EGFR: variants seen among roughly 807,000 people sequenced by gnomAD.
The protein encoded by EGFR is avian erythroblastic leukemia viral (v-erb-b) oncogene homolog.
Under a neutral mutation model 143.0 loss-of-function variants are expected in EGFR, and 58 were observed. The observed-to-expected ratio is 0.41, with a 90% CI of 0.33 to 0.50. The LOEUF (loss-of-function observed/expected upper bound fraction) is 0.50. Among genes scored for constraint, EGFR ranks in the 20% least tolerant of loss-of-function variants. The pLI is 0.39. For missense variants in EGFR, 1,307 were observed against 1,579.0 expected, an observed-to-expected ratio of 0.83 and a Z score of 2.92; for synonymous variants, 613 against 594.4, an observed-to-expected ratio of 1.03 and a Z score of -0.45.
chr7:55,127,358 T>TC (rs1469628478), intron 1 of EGFR, among the ~76,000 whole-genome samples: 20 of 152,132 alleles, frequency 1.3e-4, no homozygotes, highest in African/African-American at 4.8e-4. Context: ...TTTTAGTAAT[T>TC]CTAAAAATTG....
chr7:55,068,567 C>CG (rs1437741896), intron 1 of EGFR, among the ~76,000 whole-genome samples: 6 of 152,116 alleles, frequency 3.9e-5, no homozygotes, highest in East Asian at 1.9e-4. Flanking sequence ...CATCACTAGC[C>CG]GGGGGGCTCC....
chr7:55,100,508 C>T (rs912869697), intron 1 of EGFR, among the ~76,000 whole-genome samples: 1 of 152,242 alleles, frequency 6.6e-6, no homozygotes, highest in Non-Finnish European at 1.5e-5. Context: ...GGAAATTCTT[C>T]CCCTACGAGA....
chr7:55,101,497 G>T (rs1307399948), intron 1 of EGFR, among the ~76,000 whole-genome samples: 5 of 152,074 alleles, frequency 3.3e-5, no homozygotes, highest in Non-Finnish European at 7.4e-5. Flanking sequence ...TTTTTAACCT[G>T]TCACGAATCC....
intron 1 of EGFR, among the ~76,000 whole-genome samples, chr7:55,138,299 G>A (rs1159658417): frequency 1.3e-5 from 2 of 152,168 alleles, no homozygotes; most frequent in South Asian, 4.1e-4. Context: ...GATTTGCAAA[G>A]GGTAAGGCAA....
intron 3 of EGFR, among the ~76,000 whole-genome samples, chr7:55,145,173 C>T (rs1794698218): frequency 6.6e-6 from 1 of 152,166 alleles, no homozygotes; most frequent in African/African-American, 2.4e-5. Flanking sequence ...TGCTGAAGGC[C>T]CAGCTCTGAC....
chr7:55,119,742 G>A (rs1209413378), intron 1 of EGFR, among the ~76,000 whole-genome samples: 1 of 152,144 alleles, frequency 6.6e-6, no homozygotes, highest in Non-Finnish European at 1.5e-5. Context: ...CCCTGCCCTG[G>A]TTCACCTCTC....
Position 55,027,532 on chromosome 7 carries a change from A to C in EGFR, c.88+8167A>C, listed in dbSNP as rs189619573. ...AAGTGCAACACATTCTGCATTTAAA[A>C]ATTAAAATGATCCTTTTTAAAAGTA... On this transcript the variant is annotated intron_variant, in intron 1 of 27. Transcript: ENST00000275493. Among the ~76,000 whole-genome samples, 364 of 152,368 alleles carry C rather than the reference A, an allele frequency of 2.4e-3. 2 individuals are homozygous for C. The highest frequency in any genetic ancestry group is 6.8e-3 in the Middle Eastern group (2 of 294).
intron 1 of EGFR, among the ~76,000 whole-genome samples, chr7:55,090,768 AT>A (rs1791062278): frequency 6.6e-6 from 1 of 152,234 alleles, no homozygotes; most frequent in South Asian, 2.1e-4. Flanking sequence ...TTTTAAAAAC[AT>A]CTTTCTTCTA....
chr7:55,093,894 G>A (rs532365663), intron 1 of EGFR, among the ~76,000 whole-genome samples: 1 of 152,160 alleles, frequency 6.6e-6, no homozygotes, highest in African/African-American at 2.4e-5. Flanking sequence ...AACTGTCACT[G>A]GTAGCTCAGG....
At position 55,174,840 on chromosome 7, in the gene EGFR, T is replaced by C. The variant is rs1197399144; in HGVS notation, c.2283+20T>C. 2.5e-6 allele frequency: 4 copies of C among 1,604,078 alleles called. No individual in the cohort carries two copies. The Admixed American group carries it at 5.0e-5, about 20-fold the overall frequency. On this transcript the variant is annotated intron_variant, in intron 19 of 27. Transcript: ENST00000275493. ...CTCGATGTGAGTTTCTGCTTTGCTG[T>C]GTGGGGGTCCATGGCTCTGAACCTC...
chr7:55,163,679 T>G, intron 13 of EGFR, 54 bp from the exon 14 acceptor site: 1 of 1,487,018 alleles, frequency 6.7e-7, no homozygotes, highest in Non-Finnish European at 9.4e-7. Context: ...TGATTTGTGT[T>G]CCTGCAATAA....
chr7:55,165,451 G>GA lies in EGFR; in HGVS notation c.1880+16dup. On this transcript the variant is annotated intron_variant, in intron 15 of 27. Transcript: ENST00000275493. The stretch of plus-strand genomic sequence containing the variant: ...CTGCACCTACGGGTGAGTGGAAAGT[G>GA]AAGGAGAACAGAACATTTCCTCTCT... 6.2e-7 allele frequency: 1 copy of GA among 1,601,950 alleles called. No individual in the cohort carries two copies. Among genetic ancestry groups the GA allele is most frequent in the South Asian group, 1.1e-5 (1 of 89,752 alleles).
chr7:55,157,664 G>T lies in EGFR; in HGVS notation c.1209G>T (p.Gly403=), dbSNP rs1250474061. 1 of 1,614,214 alleles carries T rather than the reference G, an allele frequency of 6.2e-7. No homozygotes were observed. Among genetic ancestry groups the T allele is most frequent in the Admixed American group, 1.7e-5 (1 of 60,034 alleles). ...TGAAGTCTTTCATCTGCCTTACAGG[G>T]TTTTTGCTGATTCAGGCTTGGCCTG... The part of the protein sequence containing the change: ...DILKTVKEIT[G]FLLIQAWPEN... The change falls in exon 11 of 28, where the codon GGG becomes GGT. Residue 403 remains glycine (G), a splice_region_variant and synonymous_variant. Coordinates refer to ENST00000275493, the MANE Select transcript of EGFR (RefSeq NM_005228.5).
intron 1 of EGFR, among the ~76,000 whole-genome samples, chr7:55,110,170 A>G (rs1309485593): frequency 6.6e-6 from 1 of 152,202 alleles, no homozygotes; most frequent in Non-Finnish European, 1.5e-5. Context: ...TTAAAAGAAT[A>G]TGTAACATAT....
At chr7:55,054,283 C>T (rs1351100431) in intron 1 of EGFR, among the ~76,000 whole-genome samples, 3 of 152,244 alleles carry the variant, frequency 2.0e-5, no homozygotes, top group Non-Finnish European at 4.4e-5. Context: ...CCTTGAGTGA[C>T]CTTGAGCAAG....
intron 1 of EGFR, among the ~76,000 whole-genome samples, chr7:55,106,468 A>G (rs1383255713): frequency 6.6e-6 from 1 of 152,200 alleles, no homozygotes; most frequent in African/African-American, 2.4e-5. Context: ...TGCCCTGCTC[A>G]TTCAATGCAA....
intron 14 of EGFR, 57 bp from the exon 15 acceptor site, chr7:55,165,223 A>G (rs1012859297): frequency 6.2e-7 from 1 of 1,612,534 alleles, no homozygotes; most frequent in African/African-American, 1.3e-5. Flanking sequence ...AGTTACTTCC[A>G]TTTTGAAAGA....
chr7:55,027,011 C>T (rs557270831), intron 1 of EGFR, among the ~76,000 whole-genome samples: 10 of 152,188 alleles, frequency 6.6e-5, no homozygotes, highest in African/African-American at 1.2e-4. Context: ...GGGCAGGCCC[C>T]GGTCTGTGCA....
chr7:55,058,954 A>C (rs768584757), intron 1 of EGFR, among the ~76,000 whole-genome samples: 4 of 152,234 alleles, frequency 2.6e-5, no homozygotes, highest in Non-Finnish European at 5.9e-5. Flanking sequence ...AATAAATAAT[A>C]AGTTTCTCAG....
Sources: gnomAD v4.1 joint callset for allele counts (sites outside exome capture counted in the v4.1 genomes callset) on GRCh38, gnomAD v4.1.1 for gene constraint, MANE v1.5 for transcripts, NCBI Gene and HGNC (gene_info 2026-07-23, HGNC 2026-07-21) for gene names.